PHACTR1: variants seen among roughly 807,000 people sequenced by gnomAD.
The protein encoded by PHACTR1 is RPEL repeat containing 1.
PHACTR1 carries 16 observed loss-of-function variants against 69.2 expected under a neutral mutation model. The observed-to-expected ratio is 0.23, with a 90% CI of 0.16 to 0.35. PHACTR1 has a LOEUF of 0.35. Ranked by LOEUF, PHACTR1 falls within the 10% of genes least tolerant of loss-of-function variation. The probability of loss-of-function intolerance (pLI) is 1.00; values close to 1 mark genes in which losing one functional copy is unlikely to be tolerated. For synonymous variants in PHACTR1, 312 were observed against 284.5 expected (o/e 1.10, Z -0.97); for missense variants, 510 against 734.7 (o/e 0.69, Z 3.54).
intron 4 of PHACTR1, among the ~76,000 whole-genome samples, chr6:13,018,552 G>A (rs1245086607): frequency 6.6e-6 from 1 of 152,038 alleles, no homozygotes; most frequent in East Asian, 1.9e-4. Flanking sequence ...TTTTGCCTTG[G>A]GCCTTTCCCC....
chr6:13,182,595 G>T lies in PHACTR1; in HGVS notation c.573G>T (p.Leu191=). 6.2e-7 allele frequency: 1 copy of T among 1,613,332 alleles called. No individual in the cohort carries two copies. Among genetic ancestry groups the T allele is most frequent in the Non-Finnish European group, 8.5e-7 (1 of 1,179,614 alleles). The change falls in exon 7 of 15, where the codon CTG becomes CTT. Residue 191 remains leucine, a synonymous_variant. Transcript: ENST00000332995. ...GQSLSSSQLS[L]PALSEMEPVP... ...CCCTGAGCTCCAGCCAGCTGTCTCT[G>T]CCTGCCCTGTCCGAAATGGAGCCAG...
intron 5 of PHACTR1, among the ~76,000 whole-genome samples, chr6:13,133,195 T>G: frequency 8.8e-6 from 1 of 114,088 alleles, no homozygotes; most frequent in Non-Finnish European, 1.8e-5. Context: ...TGAAAATCTA[T>G]TTGGCCTCCC....
intron 8 of PHACTR1, among the ~76,000 whole-genome samples, chr6:13,208,053 C>T (rs988314212): frequency 2.6e-5 from 4 of 152,012 alleles, no homozygotes; most frequent in African/African-American, 7.2e-5. Context: ...TTAATTTGGC[C>T]CCTTGCTGTC....
chr6:13,250,151 C>T (rs533281811), intron 10 of PHACTR1, among the ~76,000 whole-genome samples: 5 of 152,352 alleles, frequency 3.3e-5, no homozygotes, highest in African/African-American at 7.2e-5. Flanking sequence ...AAAGTATTTA[C>T]TATCTGGCCC....
chr6:13,248,340 C>T (rs1034173702), intron 10 of PHACTR1, among the ~76,000 whole-genome samples: 1 of 152,182 alleles, frequency 6.6e-6, no homozygotes, highest in African/African-American at 2.4e-5. Flanking sequence ...TCATTCAAAA[C>T]AAAACAATGA....
intron 4 of PHACTR1, among the ~76,000 whole-genome samples, chr6:12,964,177 A>G (rs939681575): frequency 6.6e-6 from 1 of 152,224 alleles, no homozygotes; most frequent in Admixed American, 6.5e-5. Flanking sequence ...TTTATTATCT[A>G]CTGTTCTAAA....
chr6:13,128,830 A>G (rs1329477636), intron 5 of PHACTR1, among the ~76,000 whole-genome samples: 1 of 152,202 alleles, frequency 6.6e-6, no homozygotes, highest in Middle Eastern at 3.2e-3. Context: ...CAAAAAGATT[A>G]TCACCTAGGC....
intron 10 of PHACTR1, among the ~76,000 whole-genome samples, chr6:13,243,223 T>G (rs1458260672): frequency 4.6e-5 from 7 of 151,910 alleles, no homozygotes; most frequent in African/African-American, 1.5e-4. Context: ...GTGAACAACT[T>G]CAACTTGAGT....
At chr6:12,848,888 T>C (rs1211913406) in intron 4 of PHACTR1, among the ~76,000 whole-genome samples, 1 of 152,182 alleles carries the variant, frequency 6.6e-6, no homozygotes, top group Admixed American at 6.5e-5. Context: ...AGGACATTCA[T>C]TAGAACCACT....
intron 4 of PHACTR1, among the ~76,000 whole-genome samples, chr6:12,800,899 GA>G (rs71552717): frequency 3.1e-4 from 45 of 146,190 alleles, no homozygotes; most frequent in African/African-American, 8.2e-4. Context: ...AAAAGAAAAA[GA>G]AAAAAAAAAG....
chr6:12,936,495 G>A (rs1366566470), intron 4 of PHACTR1, among the ~76,000 whole-genome samples: 1 of 152,172 alleles, frequency 6.6e-6, no homozygotes, highest in Non-Finnish European at 1.5e-5. Flanking sequence ...GGCGTTGTTT[G>A]CAGATTGCTA....
chr6:12,967,947 A>G (rs1381014435), intron 4 of PHACTR1, among the ~76,000 whole-genome samples: 3 of 152,230 alleles, frequency 2.0e-5, no homozygotes, highest in African/African-American at 7.2e-5. Flanking sequence ...CCAAGAGCTA[A>G]CAGACGCCTG....
At chr6:13,251,537 A>G (rs1222141488) in intron 10 of PHACTR1, among the ~76,000 whole-genome samples, 4 of 152,140 alleles carry the variant, frequency 2.6e-5, no homozygotes, top group Non-Finnish European at 5.9e-5. Flanking sequence ...GGATGTATTC[A>G]TGGTGCATGT....
intron 5 of PHACTR1, among the ~76,000 whole-genome samples, chr6:13,133,215 C>T (rs1291845651): frequency 7.0e-5 from 2 of 28,582 alleles, no homozygotes; most frequent in African/African-American, 2.8e-4. Context: ...CCCTCCCCCT[C>T]CCCCTCCCCC....
chr6:12,753,013 A>G (rs1383504992), intron 4 of PHACTR1, among the ~76,000 whole-genome samples: 1 of 152,236 alleles, frequency 6.6e-6, no homozygotes, highest in African/African-American at 2.4e-5. Flanking sequence ...TATCAGTGCA[A>G]AAGAAAATTA....
chr6:12,800,592 T>G (rs12523719), intron 4 of PHACTR1, among the ~76,000 whole-genome samples: 56,437 of 151,830 alleles, frequency 0.37, 11,275 homozygotes, highest in African/African-American at 0.5. Flanking sequence ...GTTAAGAAAG[T>G]TTGGAAGTTG....
chr6:13,264,856 C>T (rs1207324064), intron 10 of PHACTR1: 1 of 152,104 alleles, frequency 6.6e-6, no homozygotes, highest in Non-Finnish European at 1.5e-5. Flanking sequence ...GACCTCGTCT[C>T]TACCAAAAAT....
intron 7 of PHACTR1, among the ~76,000 whole-genome samples, chr6:13,191,512 T>C (rs746204604): frequency 9.9e-5 from 15 of 152,176 alleles, no homozygotes; most frequent in Non-Finnish European, 2.1e-4. Context: ...CAGAGCACTT[T>C]AGGACTGGCT....
intron 3 of PHACTR1, among the ~76,000 whole-genome samples, chr6:12,747,619 G>C (rs766808143): frequency 6.6e-6 from 1 of 152,060 alleles, no homozygotes; most frequent in Non-Finnish European, 1.5e-5. Context: ...GTGAGTTAAG[G>C]TCATGCCATT....
Sources: gnomAD v4.1 joint callset for allele counts (sites outside exome capture counted in the v4.1 genomes callset) on GRCh38, gnomAD v4.1.1 for gene constraint, MANE v1.5 for transcripts, NCBI Gene and HGNC (gene_info 2026-07-23, HGNC 2026-07-21) for gene names.